B3GAT2: variants seen among roughly 807,000 people sequenced by gnomAD.
B3GAT2 encodes galactosylgalactosylxylosylprotein 3-beta-glucuronosyltransferase 2.
B3GAT2 carries 26 observed loss-of-function variants against 27.8 expected under a neutral mutation model. The ratio of observed to expected loss-of-function variants is 0.93; its 90% CI spans 0.68 to 1.30. B3GAT2 has a LOEUF of 1.30. Among genes scored for constraint, B3GAT2 ranks in the 50% most tolerant of loss-of-function variants. The pLI is 0.00. For missense variants in B3GAT2, 458 were observed against 459.0 expected, an observed-to-expected ratio of 1.00 and a Z score of 0.02; for synonymous variants, 218 against 195.1, an observed-to-expected ratio of 1.12 and a Z score of -0.98.
chr6:70,937,121 C>A (rs1582392974), intron 1 of B3GAT2, among the ~76,000 whole-genome samples: 2 of 152,190 alleles, frequency 1.3e-5, no homozygotes, highest in South Asian at 4.1e-4. Context: ...ATACTATAAA[C>A]ACCTCTACGC....
intron 1 of B3GAT2, among the ~76,000 whole-genome samples, chr6:70,948,607 C>T (rs1279644508): frequency 1.3e-5 from 2 of 151,542 alleles, no homozygotes; most frequent in Non-Finnish European, 2.9e-5. Context: ...GAAGAACATT[C>T]CATGCTCATG....
rs1317338556 is a variant in B3GAT2, at chr6:70,893,972, AT to A, written c.736+155del. ...TCCACTTGATCTAACCAAAGAGCCT[AT>A]TTTGAAGGTTTAAATATTTCATCTC... On this transcript the variant is annotated intron_variant, in intron 2 of 3. Transcript: ENST00000230053. Among the ~76,000 whole-genome samples, 6 of 152,322 alleles carry A rather than the reference AT, an allele frequency of 3.9e-5. No homozygotes were observed. The East Asian group carries it at 1.2e-3, about 29-fold the overall frequency.
Position 70,857,723 on chromosome 6 carries a change from A to ATAAC in B3GAT2, c.*3936_*3939dup, listed in dbSNP as rs1479682951. 5 of 589,166 alleles carry ATAAC rather than the reference A, an allele frequency of 8.5e-6. No homozygotes were observed. The highest frequency in any genetic ancestry group is 5.6e-5 in the African/African-American group (3 of 53,710). 36.5% of individuals were successfully genotyped at this position (589,166 alleles called of 1,614,324 possible). ...TTCTTAATTAAATTTACTCAGGTTA[A>ATAAC]TAACTGATTTGTCTGCATCCTAGAA... On this transcript the variant is annotated 3_prime_UTR_variant, in exon 4 of 4. Coordinates refer to ENST00000230053, the MANE Select transcript of B3GAT2 (RefSeq NM_080742.3).
chr6:70,916,646 G>C (rs1384823530), intron 1 of B3GAT2, among the ~76,000 whole-genome samples: 1 of 152,186 alleles, frequency 6.6e-6, no homozygotes, highest in African/African-American at 2.4e-5. Context: ...TGCATGTATT[G>C]AGATAATCAT....
At chr6:70,912,336 G>A (rs1772701348) in intron 1 of B3GAT2, among the ~76,000 whole-genome samples, 1 of 151,996 alleles carries the variant, frequency 6.6e-6, no homozygotes, top group African/African-American at 2.4e-5. Context: ...TAACATGAAG[G>A]GGTACTGAAT....
At chr6:70,941,727 G>C (rs1024664567) in intron 1 of B3GAT2, among the ~76,000 whole-genome samples, 2 of 152,076 alleles carry the variant, frequency 1.3e-5, no homozygotes, top group Non-Finnish European at 2.9e-5. Flanking sequence ...TCTCTGTGCA[G>C]GACTCCTTTC....
chr6:70,944,421 A>C (rs1329348312), intron 1 of B3GAT2, among the ~76,000 whole-genome samples: 2 of 88,678 alleles, frequency 2.3e-5, no homozygotes, highest in East Asian at 6.5e-4. Flanking sequence ...CCAGGAGATT[A>C]TATCCCACAC....
At chr6:70,937,932 G>GT (rs1413876621) in intron 1 of B3GAT2, among the ~76,000 whole-genome samples, 29 of 151,810 alleles carry the variant, frequency 1.9e-4, no homozygotes, top group Admixed American at 5.9e-4. Context: ...GACATAAAGG[G>GT]TATTCAATTA....
chr6:70,859,255 T>C lies in B3GAT2; in HGVS notation c.*2408A>G. 9.5e-7 allele frequency: 1 copy of C among 1,054,024 alleles called. No individual in the cohort carries two copies. Among genetic ancestry groups the C allele is most frequent in the South Asian group, 1.6e-5 (1 of 60,944 alleles). 65.3% of individuals were successfully genotyped at this position (1,054,024 alleles called of 1,614,324 possible). A position where few individuals can be genotyped will look rare whatever the true frequency, so the allele number is the denominator to read the frequency against. ...CTAAGTGTCAGTCACATGGTCAACA[T>C]GCTGAAGCACACCCAGCTCAGGTTA... On this transcript the variant is annotated 3_prime_UTR_variant, in exon 4 of 4. Coordinates refer to ENST00000230053, the MANE Select transcript of B3GAT2 (RefSeq NM_080742.3).
rs200355831 is a variant in B3GAT2 at position 70,874,998 on chromosome 6, C to CT, written c.737-13021dup. On this transcript the variant is annotated intron_variant, in intron 2 of 3. Transcript: ENST00000230053. ...AATACTGCTCTTACCAAGATTTAGC[C>CT]TTTTTTAAAAAAAAAAAAACAAAAC... Among the ~76,000 whole-genome samples, 1,212 of 148,928 alleles carry CT rather than the reference C, an allele frequency of 8.1e-3. 11 individuals carry two copies. Among genetic ancestry groups the CT allele is most frequent in the African/African-American group, 0.023 (935 of 40,762 alleles).
chr6:70,894,483 C>T (rs1379323761), intron 1 of B3GAT2, among the ~76,000 whole-genome samples: 3 of 152,126 alleles, frequency 2.0e-5, no homozygotes, highest in Non-Finnish European at 4.4e-5. Flanking sequence ...ATAAATTGGG[C>T]TAGGGCTCAA....
At chr6:70,928,698 T>C (rs1002627898) in intron 1 of B3GAT2, among the ~76,000 whole-genome samples, 12 of 152,086 alleles carry the variant, frequency 7.9e-5, no homozygotes, top group African/African-American at 2.4e-4. Flanking sequence ...TAATTAATAG[T>C]GTACCAAGCA....
chr6:70,889,936 C>T (rs533051365), intron 2 of B3GAT2, among the ~76,000 whole-genome samples: 1 of 152,130 alleles, frequency 6.6e-6, no homozygotes, highest in East Asian at 1.9e-4. Flanking sequence ...CATTTGCCAC[C>T]ACGCCCAGCT....
intron 1 of B3GAT2, among the ~76,000 whole-genome samples, chr6:70,942,487 G>T (rs1195892232): frequency 2.6e-5 from 4 of 152,138 alleles, no homozygotes; most frequent in Admixed American, 2.6e-4. Flanking sequence ...AGGCCCTGTT[G>T]TTCTTTACTT....
At chr6:70,946,733 A>G (rs1025344476) in intron 1 of B3GAT2, among the ~76,000 whole-genome samples, 3 of 152,278 alleles carry the variant, frequency 2.0e-5, no homozygotes, top group African/African-American at 7.2e-5. Flanking sequence ...AAGCGGACCT[A>G]ATACACATCT....
intron 1 of B3GAT2, among the ~76,000 whole-genome samples, chr6:70,936,957 A>G (rs1162358261): frequency 6.6e-6 from 1 of 152,040 alleles, no homozygotes; most frequent in East Asian, 1.9e-4. Context: ...AAATTAATGA[A>G]TCCAGGAGCT....
chr6:70,865,398 G>A (rs887512735), intron 2 of B3GAT2, among the ~76,000 whole-genome samples: 4 of 152,158 alleles, frequency 2.6e-5, no homozygotes, highest in Non-Finnish European at 4.4e-5. Flanking sequence ...GATTACAGGC[G>A]TGAGCTACAG....
rs757101881 is a variant in B3GAT2 at position 70,860,355 on chromosome 6, TC to T, written c.*1307del. ...AATGAAAACTGCAATACAAGTTTCATCCAGAACTACCACCTGACATTCCTTG... is the reference window on the plus strand; with the variant it reads ...AATGAAAACTGCAATACAAGTTTCATCAGAACTACCACCTGACATTCCTTG... On this transcript the variant is annotated 3_prime_UTR_variant, in exon 4 of 4. Transcript: ENST00000230053. 1.3e-6 allele frequency: 2 copies of T among 1,596,102 alleles called. No homozygotes were observed. Among genetic ancestry groups the T allele is most frequent in the South Asian group, 2.3e-5 (2 of 87,620 alleles).
rs150496344 is a variant in B3GAT2 at position 70,926,850 on chromosome 6, G to A, written c.591+28989C>T. Among the ~76,000 whole-genome samples, 644 of 152,208 alleles carry A rather than the reference G, an allele frequency of 4.2e-3. 4 individuals carry two copies. Among genetic ancestry groups the A allele is most frequent in the African/African-American group, 0.014 (590 of 41,520 alleles). ...ACGCCACAAAGATACTCCTCCAGAA[G>A]GGGAATCCCAAGACACATAATTGTC... On this transcript the variant is annotated intron_variant, in intron 1 of 3. Coordinates refer to ENST00000230053, the MANE Select transcript of B3GAT2 (RefSeq NM_080742.3).
Sources: gnomAD v4.1 joint callset for allele counts (sites outside exome capture counted in the v4.1 genomes callset) on GRCh38, gnomAD v4.1.1 for gene constraint, MANE v1.5 for transcripts, NCBI Gene and HGNC (gene_info 2026-07-23, HGNC 2026-07-21) for gene names.